The following CABIN1 variants were observed in gnomAD, a reference collection of about 807,000 sequenced individuals.
CABIN1 encodes the protein calcineurin binding protein 1.
In CABIN1, 133 loss-of-function variants were observed where a neutral mutation model predicts 227.7. That is an observed-to-expected ratio of 0.58 (90% CI 0.51 to 0.67). The LOEUF (loss-of-function observed/expected upper bound fraction) is 0.67, where lower values mean the gene tolerates loss of function less well. CABIN1 is among the 30% of genes least tolerant of loss of function. CABIN1 has a pLI of 0.00. For missense variants in CABIN1, 2,408 were observed against 2,852.5 expected (o/e 0.84, Z 3.55); for synonymous variants, 1,086 against 1,155.1 (o/e 0.94, Z 1.21).
At chr22:24,153,137 G>T (rs1285580510) in intron 29 of CABIN1, among the ~76,000 whole-genome samples, 1 of 152,172 alleles carries the variant, frequency 6.6e-6, no homozygotes, top group East Asian at 1.9e-4. Context: ...GGGGTGGGGG[G>T]TGTGAAGGTA....
intron 1 of CABIN1, among the ~76,000 whole-genome samples, chr22:24,021,454 G>A (rs927707857): frequency 2.6e-5 from 4 of 152,004 alleles, no homozygotes; most frequent in African/African-American, 9.7e-5. Flanking sequence ...CACAGTGCCC[G>A]ATCAATTTGT....
intron 29 of CABIN1, among the ~76,000 whole-genome samples, chr22:24,135,396 A>G (rs1214828823): frequency 1.3e-5 from 2 of 152,192 alleles, no homozygotes; most frequent in Admixed American, 1.3e-4. Context: ...TCTTAAAAAA[A>G]AAAAGAGTGT....
rs1601970576 is a variant in CABIN1 at position 24,083,168 on chromosome 22, G to A, written c.2749-60G>A. ...GTGGTGGTTTCTCTGGGGCCCTGCT[G>A]TGACAGGGAGGCAGTGGCTACAGGC... On this transcript the variant is annotated intron_variant, in intron 19 of 36. Coordinates refer to ENST00000263119, the MANE Select transcript of CABIN1 (RefSeq NM_012295.4). 3.2e-6 allele frequency: 5 copies of A among 1,558,344 alleles called. No individual in the cohort carries two copies. In the South Asian group the frequency reaches 3.3e-5, roughly 10 times the overall value.
At chr22:24,151,607 G>T (rs1188586716) in intron 29 of CABIN1, among the ~76,000 whole-genome samples, 1 of 152,120 alleles carries the variant, frequency 6.6e-6, no homozygotes, top group Non-Finnish European at 1.5e-5. Context: ...GCTCAGAGGG[G>T]CCCAGTATAA....
At chr22:24,103,659 C>T (rs769250918) in intron 26 of CABIN1, among the ~76,000 whole-genome samples, 1 of 152,164 alleles carries the variant, frequency 6.6e-6, no homozygotes, top group East Asian at 1.9e-4. Flanking sequence ...TCCTGACGGG[C>T]AGGGGACAGG....
At chr22:24,065,413 C>G (rs1382795095) in intron 15 of CABIN1, among the ~76,000 whole-genome samples, 1 of 150,644 alleles carries the variant, frequency 6.6e-6, no homozygotes, top group Non-Finnish European at 1.5e-5. Context: ...GATGGGGCGG[C>G]GGGGCAGAGG....
intron 6 of CABIN1, among the ~76,000 whole-genome samples, chr22:24,043,307 C>CTTTTTTTTTTTT (rs745547509): frequency 7.0e-5 from 5 of 71,128 alleles, no homozygotes; most frequent in Admixed American, 1.6e-4. Context: ...AATGATTTTA[C>CTTTTTTTTTTTT]TTTTTTTTTT....
At chr22:24,041,360 A>T in intron 5 of CABIN1, 87 bp downstream of exon 5, 1 of 1,554,264 alleles carries the variant, frequency 6.4e-7, no homozygotes, top group Admixed American at 1.7e-5. Context: ...GGCCAAAAAG[A>T]AGAGTTTGTA....
chr22:24,122,254 C>T (rs1455535313), intron 28 of CABIN1, among the ~76,000 whole-genome samples: 1 of 152,136 alleles, frequency 6.6e-6, no homozygotes, highest in Non-Finnish European at 1.5e-5. Flanking sequence ...AATTCTGCCA[C>T]CCTAAAACTA....
At chr22:24,057,716 T>C (rs1601830386) in intron 10 of CABIN1, among the ~76,000 whole-genome samples, 1 of 152,228 alleles carries the variant, frequency 6.6e-6, no homozygotes, top group East Asian at 1.9e-4. Flanking sequence ...ATTTGTTGTC[T>C]TTCTGAGGTG....
chr22:24,037,685 A>T lies in CABIN1; in HGVS notation c.97-663A>T, dbSNP rs181544558. Among the ~76,000 whole-genome samples the T allele has an allele frequency of 2.5e-4, 38 of 152,222 alleles. No individual in the cohort carries two copies. In the East Asian group the frequency reaches 7.1e-3, roughly 29 times the overall value. ...TATTTTCCCCCCATACCAATTCTCC[A>T]ACTCTCCATATACCAACTGGGTGTC... is the stretch of plus-strand genomic sequence containing the variant. On this transcript the variant is annotated intron_variant, in intron 3 of 36. Coordinates refer to ENST00000263119, the MANE Select transcript of CABIN1 (RefSeq NM_012295.4).
At position 24,070,739 on chromosome 22, in the gene CABIN1, G is replaced by A. The variant is rs1156911741; in HGVS notation, c.2233-61G>A. 6.8e-6 allele frequency: 11 copies of A among 1,612,818 alleles called. No homozygotes were observed. In the African/African-American group the frequency reaches 1.5e-4, roughly 22 times the overall value. ...GTTTTCCTTCAGTTGTCTCTGCTCAGGCCTTGGGCCCAGATGTGCTGAGCT... is the reference window on the plus strand; with the variant it reads ...GTTTTCCTTCAGTTGTCTCTGCTCAAGCCTTGGGCCCAGATGTGCTGAGCT... On this transcript the variant is annotated intron_variant, in intron 16 of 36. Coordinates refer to ENST00000263119, the MANE Select transcript of CABIN1 (RefSeq NM_012295.4).
intron 1 of CABIN1, among the ~76,000 whole-genome samples, chr22:24,032,013 A>G (rs571921734): frequency 2.0e-5 from 3 of 152,320 alleles, no homozygotes; most frequent in East Asian, 3.9e-4. Flanking sequence ...TTACCATTTT[A>G]CCCACTTTTT....
At position 24,012,588 on chromosome 22, in the gene CABIN1, T is replaced by C. The variant is rs575674013; in HGVS notation, c.-75+1221T>C. On this transcript the variant is annotated intron_variant, in intron 1 of 36. Transcript: ENST00000263119. ...GGATCAGGGTGCTGAGGTCTGAAGG[T>C]GTGCTACTCTTTATCGTGTTCTGAG... 6.6e-5 allele frequency among the ~76,000 whole-genome samples: 10 copies of C among 152,268 alleles called. No individual in the cohort carries two copies. In the South Asian group the frequency reaches 2.1e-3, roughly 32 times the overall value.
At chr22:24,153,666 A>G (rs756635793) in intron 29 of CABIN1, among the ~76,000 whole-genome samples, 4 of 152,150 alleles carry the variant, frequency 2.6e-5, no homozygotes, top group Non-Finnish European at 5.9e-5. Flanking sequence ...GGCAGTATCC[A>G]TCTGATGGGG....
chr22:24,061,237 A>C (rs1046980711), intron 12 of CABIN1, among the ~76,000 whole-genome samples: 5 of 152,190 alleles, frequency 3.3e-5, no homozygotes, highest in African/African-American at 1.2e-4. Flanking sequence ...TGCCTCCTGG[A>C]GCTCAAGGGA....
chr22:24,178,085 C>G lies in CABIN1; in HGVS notation c.6552C>G (p.Asn2184Lys), dbSNP rs553282546. The G allele has an allele frequency of 1.2e-6, 2 of 1,613,794 alleles. No individual in the cohort carries two copies. The highest frequency in any genetic ancestry group is 2.2e-5 in the South Asian group (2 of 91,082). The change falls in exon 37 of 37, where the codon AAC becomes AAG. Residue 2184 changes from asparagine to lysine, a missense_variant. This residue lies in a region of CABIN1 where 714 missense variants were observed against 773.8 expected (regional missense o/e 0.92). Coordinates refer to ENST00000263119, the MANE Select transcript of CABIN1 (RefSeq NM_012295.4). ...TCCTTTCTGCCCAGTCTGCTGCCAACGTGAGGAAGGAGAGCCTATGCCAGC... is the reference window on the plus strand; with the variant it reads ...TCCTTTCTGCCCAGTCTGCTGCCAAGGTGAGGAAGGAGAGCCTATGCCAGC... ...SAILSAQSAA[N>K]VRKESLCQPA...
At chr22:24,059,097 T>C in intron 10 of CABIN1, 130 bp from the exon 11 acceptor site, 1 of 1,178,954 alleles carries the variant, frequency 8.5e-7, no homozygotes, top group Non-Finnish European at 1.2e-6. Flanking sequence ...GCCTGGGTTC[T>C]GGACCCCACC....
chr22:24,166,995 G>A lies in CABIN1; in HGVS notation c.5364G>A (p.Arg1788=). 2 of 1,569,792 alleles carry A rather than the reference G, an allele frequency of 1.3e-6. No individual in the cohort carries two copies. Among genetic ancestry groups the A allele is most frequent in the Non-Finnish European group, 1.7e-6 (2 of 1,158,240 alleles). ...PLLPGRPARD[R]GPESRPTELS... Reference sequence around the variant, plus strand: ...TGCCAGGTCGCCCCGCAAGGGACCGGGGCCCCGAGAGCCGGCCCACTGAGC... The same window carrying A: ...TGCCAGGTCGCCCCGCAAGGGACCGAGGCCCCGAGAGCCGGCCCACTGAGC... The change falls in exon 32 of 37, where the codon CGG becomes CGA. Residue 1788 remains arginine, a synonymous_variant. Coordinates refer to ENST00000263119, the MANE Select transcript of CABIN1 (RefSeq NM_012295.4).
Sources: gnomAD v4.1 joint callset for allele counts (sites outside exome capture counted in the v4.1 genomes callset) on GRCh38, gnomAD v4.1.1 for gene constraint, gnomAD v4.1.1 regional missense constraint, MANE v1.5 for transcripts, NCBI Gene and HGNC (gene_info 2026-07-23, HGNC 2026-07-21) for gene names.